Variants in SNX29 observed in about 807,000 individuals in gnomAD.
The protein encoded by SNX29 is sorting nexin-29.
SNX29 carries 78 observed loss-of-function variants against 102.1 expected under a neutral mutation model. That is an observed-to-expected ratio of 0.76 (90% CI 0.64 to 0.92). The LOEUF (loss-of-function observed/expected upper bound fraction) is 0.92, where lower values mean the gene tolerates loss of function less well. Ranked by LOEUF, SNX29 falls within the 40% of genes least tolerant of loss-of-function variation. The pLI is 0.00. For missense variants in SNX29, 1,280 were observed against 1,061.7 expected, an observed-to-expected ratio of 1.21 and a Z score of -2.86; for synonymous variants, 580 against 414.5, an observed-to-expected ratio of 1.40 and a Z score of -4.85.
intron 13 of SNX29, among the ~76,000 whole-genome samples, chr16:12,138,853 T>C (rs187987572): frequency 1.2e-4 from 18 of 152,152 alleles, no homozygotes; most frequent in Admixed American, 1.2e-3. Flanking sequence ...GTGAGTAAAC[T>C]TTTTTTGTTC....
At chr16:12,481,413 T>C (rs141131671) in intron 19 of SNX29, among the ~76,000 whole-genome samples, 2,552 of 147,198 alleles carry the variant, frequency 0.017, 31 homozygotes, top group Non-Finnish European at 0.026. Context: ...CACACACACA[T>C]ATACATACAC....
intron 20 of SNX29, among the ~76,000 whole-genome samples, chr16:12,565,104 G>A (rs1367211436): frequency 2.0e-5 from 3 of 151,358 alleles, no homozygotes; most frequent in South Asian, 2.1e-4. Flanking sequence ...TCTCTTCTGA[G>A]TACTGGCCCT....
At chr16:11,988,247 T>G (rs1013788129) in intron 1 of SNX29, among the ~76,000 whole-genome samples, 2 of 146,908 alleles carry the variant, frequency 1.4e-5, no homozygotes, top group Non-Finnish European at 3.0e-5. Flanking sequence ...TGAGCCAAGA[T>G]CATGCCACTG....
intron 18 of SNX29, among the ~76,000 whole-genome samples, chr16:12,473,332 G>T (rs953775573): frequency 6.6e-6 from 1 of 152,190 alleles, no homozygotes; most frequent in East Asian, 1.9e-4. Context: ...GCTTCGATTA[G>T]ATCCAAAGGG....
At chr16:12,219,951 C>T (rs559987131) in intron 14 of SNX29, among the ~76,000 whole-genome samples, 51 of 152,264 alleles carry the variant, frequency 3.3e-4, no homozygotes, top group Admixed American at 2.6e-3. Context: ...TGCACGTGCA[C>T]GCACACACAC....
chr16:12,564,398 C>T (rs34696585), intron 20 of SNX29, among the ~76,000 whole-genome samples: 39,594 of 152,012 alleles, frequency 0.26, 5,707 homozygotes, highest in East Asian at 0.43. Context: ...CATAAATATG[C>T]ATCAATGATG....
chr16:12,004,758 G>A (rs2056400573), intron 3 of SNX29, among the ~76,000 whole-genome samples: 2 of 152,160 alleles, frequency 1.3e-5, no homozygotes, highest in South Asian at 2.1e-4. Flanking sequence ...ATAGAGCCAC[G>A]TGGATGATTT....
At chr16:12,449,425 G>A (rs1247100462) in intron 18 of SNX29, among the ~76,000 whole-genome samples, 2 of 152,138 alleles carry the variant, frequency 1.3e-5, no homozygotes, top group East Asian at 3.9e-4. Flanking sequence ...TGGTTTAGGT[G>A]GATTATGCAG....
chr16:12,346,269 G>A (rs1327712375), intron 15 of SNX29, among the ~76,000 whole-genome samples: 11 of 152,120 alleles, frequency 7.2e-5, no homozygotes, highest in Admixed American at 6.5e-4. Context: ...GATTCTACAG[G>A]ACCAGTGGTA....
At chr16:12,531,334 G>A (rs1675344981) in intron 20 of SNX29, among the ~76,000 whole-genome samples, 1 of 152,246 alleles carries the variant, frequency 6.6e-6, no homozygotes, top group Admixed American at 6.5e-5. Flanking sequence ...TGAACTCAGG[G>A]CTGTGCTTTC....
rs985306864 is a variant in SNX29 at position 12,316,225 on chromosome 16, C to T, written c.1782+38189C>T. Among the ~76,000 whole-genome samples the T allele has an allele frequency of 2.0e-5, 3 of 152,244 alleles. No individual in the cohort carries two copies. The East Asian group carries it at 5.8e-4, about 29-fold the overall frequency. ...GGGCGGGAAGAATTTGGGATAGGTTCCACAGGGACAGGGCTGACTTGTCTA... is the reference window on the plus strand; with the variant it reads ...GGGCGGGAAGAATTTGGGATAGGTTTCACAGGGACAGGGCTGACTTGTCTA... On this transcript the variant is annotated intron_variant, in intron 15 of 20. Transcript: ENST00000566228.
At position 12,535,950 on chromosome 16, in the gene SNX29, C is replaced by G. The variant is rs144055169; in HGVS notation, c.2318+11109C>G. On this transcript the variant is annotated intron_variant, in intron 20 of 20. Coordinates refer to ENST00000566228, the MANE Select transcript of SNX29 (RefSeq NM_032167.5). ...AATGGGGCTGGGGAGGGTTAAGGAA[C>G]TTCTGAGAGCTTTGACCCCGGCTGA... Among the ~76,000 whole-genome samples, 14 of 152,236 alleles carry G rather than the reference C, an allele frequency of 9.2e-5. No homozygotes were observed. In the East Asian group the frequency reaches 2.5e-3, roughly 27 times the overall value.
intron 11 of SNX29, among the ~76,000 whole-genome samples, chr16:12,122,297 A>T (rs928787774): frequency 2.0e-5 from 3 of 151,658 alleles, no homozygotes; most frequent in African/African-American, 4.9e-5. Flanking sequence ...CTTCTGGAAG[A>T]CTCTACATGA....
chr16:12,315,977 A>T (rs2080720182), intron 15 of SNX29, among the ~76,000 whole-genome samples: 1 of 152,218 alleles, frequency 6.6e-6, no homozygotes, highest in Non-Finnish European at 1.5e-5. Context: ...TGAGATAGAC[A>T]CTCAACAGAT....
At chr16:12,305,912 C>T (rs905138206) in intron 15 of SNX29, among the ~76,000 whole-genome samples, 14 of 152,148 alleles carry the variant, frequency 9.2e-5, no homozygotes, top group African/African-American at 3.4e-4. Flanking sequence ...TGCCAATTCT[C>T]CAGCCAAAGA....
intron 15 of SNX29, among the ~76,000 whole-genome samples, chr16:12,330,577 A>C (rs1231816936): frequency 6.6e-6 from 1 of 152,204 alleles, no homozygotes; most frequent in African/African-American, 2.4e-5. Flanking sequence ...ACCTTTTTAC[A>C]GAATATGGAA....
chr16:12,222,128 A>G (rs1412160693), intron 14 of SNX29, among the ~76,000 whole-genome samples: 2 of 152,230 alleles, frequency 1.3e-5, no homozygotes, highest in Admixed American at 6.5e-5. Flanking sequence ...GGTAGGTGCT[A>G]TTACGATCTT....
At chr16:12,243,622 T>G (rs560189062) in intron 14 of SNX29, among the ~76,000 whole-genome samples, 1 of 152,266 alleles carries the variant, frequency 6.6e-6, no homozygotes, top group East Asian at 1.9e-4. Flanking sequence ...TGATACCCTA[T>G]TTTGGCCCAG....
intron 4 of SNX29, among the ~76,000 whole-genome samples, chr16:12,034,989 C>T (rs555262795): frequency 3.6e-4 from 54 of 151,498 alleles, no homozygotes; most frequent in East Asian, 2.3e-3. Context: ...CCAGCCTGGG[C>T]GACAGAGCAA....
Sources: gnomAD v4.1 joint callset for allele counts (sites outside exome capture counted in the v4.1 genomes callset) on GRCh38, gnomAD v4.1.1 for gene constraint, MANE v1.5 for transcripts, NCBI Gene and HGNC (gene_info 2026-07-23, HGNC 2026-07-21) for gene names.